The following CLXN variants were observed in gnomAD, a reference collection of about 807,000 sequenced individuals.
CLXN encodes calaxin, also known as EF-hand calcium binding domain 1.
chr8:48,724,095 A>C, the CLXN span: 1 of 152,194 alleles, frequency 6.6e-6, no homozygotes, highest in Non-Finnish European at 1.5e-5. Context: ...CATTGTATGC[A>C]GAGGACTAAA....
the CLXN span, chr8:48,715,026 A>ATAGTAGTTCACAAAG: frequency 6.6e-6 from 1 of 152,232 alleles, no homozygotes; most frequent in Non-Finnish European, 1.5e-5. Context: ...TGTTCACAAA[A>ATAGTAGTTCACAAAG]TAGTAGTACA....
the CLXN span, among the ~76,000 whole-genome samples, chr8:48,732,363 A>G: frequency 1.3e-5 from 2 of 152,216 alleles, no homozygotes; most frequent in South Asian, 2.1e-4. Context: ...TGTGTGTATA[A>G]CAGAAGACAG....
the CLXN span, among the ~76,000 whole-genome samples, chr8:48,727,139 A>G: frequency 0.056 from 7,775 of 138,308 alleles, 324 homozygotes; most frequent in South Asian, 0.16. Context: ...CACCCACATC[A>G]CCCATCCATC....
At chr8:48,730,131 T>C in the CLXN span, 226 of 363,406 alleles carry the variant, frequency 6.2e-4, no homozygotes, top group Non-Finnish European at 1.0e-3. Context: ...GGAAAACTGA[T>C]TGAAATATGG....
chr8:48,722,443 A>G, the CLXN span, among the ~76,000 whole-genome samples: 1 of 152,250 alleles, frequency 6.6e-6, no homozygotes, highest in African/African-American at 2.4e-5. Flanking sequence ...AACCAAAGAA[A>G]ATAAAATCAG....
chr8:48,727,837 G>A, the CLXN span, among the ~76,000 whole-genome samples: 2 of 152,140 alleles, frequency 1.3e-5, no homozygotes, highest in Admixed American at 6.5e-5. Context: ...ACTTAGAGTG[G>A]TGGCAAACAG....
the CLXN span, chr8:48,713,970 T>C: frequency 6.6e-6 from 1 of 152,228 alleles, no homozygotes; most frequent in Non-Finnish European, 1.5e-5. Context: ...GGCTTTCTGG[T>C]ACTCCACATA....
At chr8:48,731,812 G>C in the CLXN span, among the ~76,000 whole-genome samples, 1 of 152,128 alleles carries the variant, frequency 6.6e-6, no homozygotes, top group Non-Finnish European at 1.5e-5. Context: ...CTCAAAATAA[G>C]AATGGTAAGA....
At chr8:48,722,444 A>C in the CLXN span, among the ~76,000 whole-genome samples, 1 of 152,242 alleles carries the variant, frequency 6.6e-6, no homozygotes, top group African/African-American at 2.4e-5. Flanking sequence ...ACCAAAGAAA[A>C]TAAAATCAGT....
chr8:48,715,269 A>G, the CLXN span: 1 of 152,234 alleles, frequency 6.6e-6, no homozygotes, highest in Non-Finnish European at 1.5e-5. Flanking sequence ...GCAGGCAAGT[A>G]ATATCAACAA....
the CLXN span, among the ~76,000 whole-genome samples, chr8:48,733,504 C>T: frequency 4.6e-5 from 7 of 152,266 alleles, no homozygotes; most frequent in African/African-American, 1.7e-4. Context: ...TTTGATTCTA[C>T]AAAATTTATC....
the CLXN span, among the ~76,000 whole-genome samples, chr8:48,713,389 G>A: frequency 3.9e-5 from 6 of 152,266 alleles, no homozygotes; most frequent in African/African-American, 9.6e-5. Context: ...ACGACTGGGC[G>A]AGCGTCAGAG....
chr8:48,727,100 C>T, the CLXN span, among the ~76,000 whole-genome samples: 3 of 149,870 alleles, frequency 2.0e-5, no homozygotes, highest in Non-Finnish European at 4.4e-5. Context: ...ATCCATTCAC[C>T]CATTCACCCA....
the CLXN span, chr8:48,724,804 G>A: frequency 6.2e-7 from 1 of 1,607,536 alleles, no homozygotes; most frequent in East Asian, 2.2e-5. Flanking sequence ...ATCTGGCTCT[G>A]TAAAAAAAGG....
At chr8:48,724,911 G>T in the CLXN span, 2 of 779,550 alleles carry the variant, frequency 2.6e-6, no homozygotes, top group Non-Finnish European at 4.0e-6. Flanking sequence ...GGGTTAGTGG[G>T]CATCGAGAAC....
the CLXN span, among the ~76,000 whole-genome samples, chr8:48,713,467 G>A: frequency 6.6e-6 from 1 of 152,176 alleles, no homozygotes; most frequent in Admixed American, 6.5e-5. Flanking sequence ...GAGCTACAGA[G>A]CAGCTCAAAG....
At chr8:48,732,008 T>G in the CLXN span, among the ~76,000 whole-genome samples, 1 of 152,168 alleles carries the variant, frequency 6.6e-6, no homozygotes, top group Non-Finnish European at 1.5e-5. Flanking sequence ...ATAAAAAAGC[T>G]TTAAAGCATA....
At chr8:48,726,618 C>T in the CLXN span, among the ~76,000 whole-genome samples, 2 of 149,054 alleles carry the variant, frequency 1.3e-5, no homozygotes, top group Non-Finnish European at 3.0e-5. Flanking sequence ...TTTATCTACC[C>T]ATCCATCTAC....
the CLXN span, chr8:48,723,397 A>G: frequency 2.0e-5 from 3 of 152,260 alleles, no homozygotes; most frequent in Non-Finnish European, 4.4e-5. Context: ...AAACTTGGAC[A>G]GTAAAATATG....
Sources: gnomAD v4.1 joint callset for allele counts (sites outside exome capture counted in the v4.1 genomes callset) on GRCh38, gnomAD v4.1.1 for gene constraint, MANE v1.5 for transcripts, NCBI Gene and HGNC (gene_info 2026-07-23, HGNC 2026-07-21) for gene names.